ZNF717: variants seen among roughly 807,000 people sequenced by gnomAD.
ZNF717 encodes zinc finger protein 717.
ZNF717 carries 9 observed loss-of-function variants against 13.8 expected under a neutral mutation model. The observed-to-expected ratio is 0.65, with a 90% confidence interval of 0.39 to 1.14. The LOEUF (loss-of-function observed/expected upper bound fraction) is 1.14, where lower values mean the gene tolerates loss of function less well. Among genes scored for constraint, ZNF717 ranks in the 50% most tolerant of loss-of-function variants. The probability of loss-of-function intolerance (pLI) is 0.01; values close to 1 mark genes in which losing one functional copy is unlikely to be tolerated. For missense variants in ZNF717, 1,040 were observed against 1,080.7 expected (o/e 0.96, Z 0.53); for synonymous variants, 327 against 364.1 (o/e 0.90, Z 1.16).
At chr3:75,744,452 G>A (rs970254795) in intron 2 of ZNF717, among the ~76,000 whole-genome samples, 13 of 152,238 alleles carry the variant, frequency 8.5e-5, no homozygotes, top group African/African-American at 2.9e-4. Flanking sequence ...GGAGGACACA[G>A]GGCAAACCAC....
At chr3:75,757,738 G>T (rs1942615876) in intron 2 of ZNF717, among the ~76,000 whole-genome samples, 1 of 152,058 alleles carries the variant, frequency 6.6e-6, no homozygotes, top group Non-Finnish European at 1.5e-5. Flanking sequence ...CAAAATAATT[G>T]AAAATCTACT....
intron 2 of ZNF717, among the ~76,000 whole-genome samples, chr3:75,744,958 A>G (rs1274244031): frequency 6.6e-6 from 1 of 151,972 alleles, no homozygotes; most frequent in Non-Finnish European, 1.5e-5. Flanking sequence ...AAACAGAGGA[A>G]CACTTCTGAG....
chr3:75,756,631 A>T (rs548620437), intron 2 of ZNF717, among the ~76,000 whole-genome samples: 39 of 51,246 alleles, frequency 7.6e-4, no homozygotes, highest in African/African-American at 1.1e-3. Flanking sequence ...AGAAGATTTA[A>T]AAAAAATTCC....
downstream of ZNF717, among the ~76,000 whole-genome samples, chr3:75,735,342 AGT>A (rs1437796013): frequency 2.6e-5 from 4 of 152,130 alleles, no homozygotes; most frequent in Non-Finnish European, 5.9e-5. Flanking sequence ...TAAAAACCAA[AGT>A]ATAGAAATGC....
chr3:75,759,110 T>A (rs1379411405), intron 2 of ZNF717, among the ~76,000 whole-genome samples: 1 of 152,210 alleles, frequency 6.6e-6, no homozygotes, highest in Non-Finnish European at 1.5e-5. Flanking sequence ...TACAGCACAG[T>A]ATAAACATAC....
At chr3:75,731,245 T>C (rs1490507915), downstream of ZNF717, among the ~76,000 whole-genome samples, 1 of 152,124 alleles carries the variant, frequency 6.6e-6, no homozygotes, top group Non-Finnish European at 1.5e-5. Context: ...AGTGTGGTGG[T>C]GTGTGCCAGT....
At chr3:75,715,970 G>C (rs1025063295) in intron 5 of ZNF717, among the ~76,000 whole-genome samples, 1 of 120,874 alleles carries the variant, frequency 8.3e-6, no homozygotes, top group Admixed American at 8.3e-5. Flanking sequence ...TTTTTGGTTT[G>C]TTTTTTTGTT....
Position 75,783,343 on chromosome 3 carries a change from C to T in ZNF717, c.20G>A (p.Gly7Asp). MFPVFS[G>D]CFQELQEKNK... ...CTTTTCTTGTAGCTCTTGGAAACAG[C>T]CAGAGAACACTGGAAACATAGCTGA... Residue 7 changes from glycine (G) to aspartate (D), a missense_variant, in exon 2 of 5, where the codon GGC becomes GAC. Coordinates refer to ENST00000652011, the MANE Select transcript of ZNF717 (RefSeq NM_001290208.3). 2 of 1,551,172 alleles carry T rather than the reference C, an allele frequency of 1.3e-6. No individual in the cohort carries two copies. Among genetic ancestry groups the T allele is most frequent in the Non-Finnish European group, 1.7e-6 (2 of 1,146,614 alleles).
intron 2 of ZNF717, among the ~76,000 whole-genome samples, chr3:75,775,842 ACT>A (rs1944270512): frequency 6.9e-6 from 1 of 145,442 alleles, no homozygotes; most frequent in Non-Finnish European, 1.5e-5. Context: ...ACAGAGTGAG[ACT>A]CTGTCTCAAA....
intron 2 of ZNF717, among the ~76,000 whole-genome samples, chr3:75,771,849 C>T (rs185016220): frequency 1.2e-4 from 19 of 152,380 alleles, no homozygotes; most frequent in Admixed American, 1.2e-3. Flanking sequence ...CCCCTGCAGG[C>T]TCAGTCATAC....
chr3:75,722,386 T>C (rs1441797444), intron 4 of ZNF717, among the ~76,000 whole-genome samples: 1 of 152,254 alleles, frequency 6.6e-6, no homozygotes, highest in Non-Finnish European at 1.5e-5. Context: ...GCAAAATGTC[T>C]GGCTTAACTG....
intron 4 of ZNF717, among the ~76,000 whole-genome samples, chr3:75,740,629 C>T (rs75422028): frequency 7.0e-6 from 1 of 142,352 alleles, no homozygotes; most frequent in Non-Finnish European, 1.5e-5. Context: ...GCCAGAAGTT[C>T]GAGACCAGCC....
chr3:75,776,477 T>G (rs1944332124), intron 2 of ZNF717, among the ~76,000 whole-genome samples: 1 of 152,268 alleles, frequency 6.6e-6, no homozygotes, highest in Non-Finnish European at 1.5e-5. Context: ...AGTAGATTAT[T>G]ATGCTGAAGT....
chr3:75,741,137 A>G, intron 4 of ZNF717, 139 bp downstream of exon 4: 1 of 632,900 alleles, frequency 1.6e-6, no homozygotes, highest in Non-Finnish European at 2.8e-6. Context: ...CCTGGGGACT[A>G]TATAATGCAC....
downstream of ZNF717, among the ~76,000 whole-genome samples, chr3:75,707,674 C>A (rs3009078): frequency 0.43 from 63,069 of 145,092 alleles, 13,508 homozygotes; most frequent in South Asian, 0.62. Flanking sequence ...AGGAAGCTCA[C>A]GGGGTCAGGG....
downstream of ZNF717, among the ~76,000 whole-genome samples, chr3:75,707,686 G>C (rs1481413682): frequency 1.3e-5 from 2 of 152,158 alleles, no homozygotes; most frequent in Non-Finnish European, 2.9e-5. Flanking sequence ...GGGTCAGGGA[G>C]TTCCCTTTCC....
intron 2 of ZNF717, among the ~76,000 whole-genome samples, chr3:75,757,830 TG>T (rs1437295640): frequency 1.3e-5 from 2 of 151,612 alleles, no homozygotes; most frequent in Non-Finnish European, 2.9e-5. Flanking sequence ...TAGGAGAAGT[TG>T]GGGCCGGGCA....
chr3:75,770,981 G>A, intron 2 of ZNF717, among the ~76,000 whole-genome samples: 1 of 152,184 alleles, frequency 6.6e-6, no homozygotes, highest in Non-Finnish European at 1.5e-5. Flanking sequence ...GGTCATAATA[G>A]GAACTGTCAC....
chr3:75,737,152 GAGA>G lies in ZNF717; in HGVS notation c.2468_2470del (p.Phe823del), dbSNP rs982542374. 6.4e-6 allele frequency: 10 copies of G among 1,561,018 alleles called. No homozygotes were observed. The highest frequency in any genetic ancestry group is 1.4e-5 in the African/African-American group (1 of 73,160). The stretch of plus-strand genomic sequence containing the variant: ...ATGTACAAAGAGTTTTGACTTCTGG[GAGA>G]AGGTTTTCCTACATTCTTTACATTC... On this transcript the variant is annotated inframe_deletion, in exon 5 of 5. Transcript: ENST00000652011.
Sources: gnomAD v4.1 joint callset for allele counts (sites outside exome capture counted in the v4.1 genomes callset) on GRCh38, gnomAD v4.1.1 for gene constraint, MANE v1.5 for transcripts, NCBI Gene and HGNC (gene_info 2026-07-23, HGNC 2026-07-21) for gene names.